The following SRGAP2 variants were observed in gnomAD, a reference collection of about 807,000 sequenced individuals.
SRGAP2 encodes SLIT-ROBO Rho GTPase-activating protein 2.
Under a neutral mutation model 57.2 loss-of-function variants are expected in SRGAP2, and 15 were observed. That is an observed-to-expected ratio of 0.26 (90% confidence interval 0.18 to 0.40). The LOEUF (loss-of-function observed/expected upper bound fraction) is 0.40. SRGAP2 is among the 10% of genes least tolerant of loss of function. SRGAP2 has a pLI of 1.00. For missense variants in SRGAP2, 520 were observed against 669.6 expected (o/e 0.78, Z 2.47); for synonymous variants, 249 against 248.0 (o/e 1.00, Z -0.04).
At chr1:206,241,209 T>TA (rs1304124342) in intron 2 of SRGAP2, among the ~76,000 whole-genome samples, 1 of 152,136 alleles carries the variant, frequency 6.6e-6, no homozygotes, top group Non-Finnish European at 1.5e-5. Flanking sequence ...AAAAACCCCC[T>TA]AAAAAACAAA....
intron 11 of SRGAP2, among the ~76,000 whole-genome samples, chr1:206,417,029 G>T (rs922084835): frequency 6.6e-6 from 1 of 151,402 alleles, no homozygotes; most frequent in Non-Finnish European, 1.5e-5. Flanking sequence ...CACCTTTTTT[G>T]CCCTGTCCTT....
At chr1:206,254,858 T>TA (rs1316289435) in intron 2 of SRGAP2, among the ~76,000 whole-genome samples, 1 of 151,544 alleles carries the variant, frequency 6.6e-6, no homozygotes, top group Non-Finnish European at 1.5e-5. Flanking sequence ...GCCTCACTCT[T>TA]ACAAAGATTC....
intron 14 of SRGAP2, among the ~76,000 whole-genome samples, chr1:206,435,486 G>C (rs1463313978): frequency 1.3e-5 from 2 of 152,172 alleles, no homozygotes; most frequent in Non-Finnish European, 2.9e-5. Context: ...CCAACCCCTG[G>C]GGCTGGCACT....
At position 206,454,686 on chromosome 1, in the gene SRGAP2, T is replaced by C; in HGVS notation, c.2361-192T>C. 1 of 562,226 alleles carries C rather than the reference T, an allele frequency of 1.8e-6. No individual in the cohort carries two copies. The highest frequency in any genetic ancestry group is 3.1e-6 in the Non-Finnish European group (1 of 319,882). 34.8% of individuals were successfully genotyped at this position (562,226 alleles called of 1,614,324 possible). On this transcript the variant is annotated intron_variant, in intron 20 of 22. Transcript: ENST00000573034. The surrounding 1 kb of genome is among the most constrained non-coding windows in gnomAD (Gnocchi z 4.3). ...GAACTCAGCGGATTATTTATTTTTA[T>C]TTAAACGACCCTTCAAAGGCCCTTA...
intron 3 of SRGAP2, among the ~76,000 whole-genome samples, chr1:206,334,663 G>A (rs1221704400): frequency 6.6e-6 from 1 of 152,164 alleles, no homozygotes; most frequent in Admixed American, 6.5e-5. Flanking sequence ...CCAGAGAGAT[G>A]CTTGCTCTTA....
chr1:206,396,576 AAAT>A (rs2103118041), intron 7 of SRGAP2, among the ~76,000 whole-genome samples: 1 of 139,846 alleles, frequency 7.2e-6, no homozygotes, highest in East Asian at 2.0e-4. Flanking sequence ...ATAAGAAAGA[AAAT>A]ATTAGAGTAC....
intron 4 of SRGAP2, among the ~76,000 whole-genome samples, chr1:206,346,579 T>C (rs1675645602): frequency 6.6e-6 from 1 of 152,134 alleles, no homozygotes; most frequent in Non-Finnish European, 1.5e-5. Context: ...GGGATCCAAA[T>C]ACATAAAATA....
chr1:206,442,338 G>A (rs1662381240), intron 17 of SRGAP2, among the ~76,000 whole-genome samples: 3 of 152,218 alleles, frequency 2.0e-5, no homozygotes, highest in African/African-American at 7.2e-5. Flanking sequence ...TGTGCAGCCT[G>A]GAAACTCTGC....
intron 10 of SRGAP2, among the ~76,000 whole-genome samples, chr1:206,414,375 G>A (rs1480982428): frequency 6.6e-6 from 1 of 152,130 alleles, no homozygotes; most frequent in African/African-American, 2.4e-5. Context: ...AATCCTAAGT[G>A]GCAATCCATG....
intron 13 of SRGAP2, among the ~76,000 whole-genome samples, chr1:206,429,913 T>C (rs1553367721): frequency 6.6e-6 from 1 of 152,118 alleles, no homozygotes; most frequent in Non-Finnish European, 1.5e-5. Flanking sequence ...GAGAAGGTGG[T>C]GAGAAACTGG....
chr1:206,442,139 G>A (rs782582728), intron 17 of SRGAP2, among the ~76,000 whole-genome samples: 1 of 152,206 alleles, frequency 6.6e-6, no homozygotes, highest in Non-Finnish European at 1.5e-5. Context: ...GCCCCAGCTT[G>A]AGACCTTTTC....
intron 22 of SRGAP2, among the ~76,000 whole-genome samples, chr1:206,459,361 G>A (rs782653437): frequency 3.3e-5 from 5 of 149,808 alleles, no homozygotes; most frequent in Non-Finnish European, 7.4e-5. Context: ...CCATCATCCC[G>A]ATTCCTAAGG....
At chr1:206,442,984 A>G (rs1662446926) in intron 17 of SRGAP2, among the ~76,000 whole-genome samples, 1 of 152,208 alleles carries the variant, frequency 6.6e-6, no homozygotes, top group Non-Finnish European at 1.5e-5. Context: ...GGAACCAAAA[A>G]AGCTAATATC....
chr1:206,342,314 A>G (rs1169104162), intron 3 of SRGAP2, among the ~76,000 whole-genome samples: 2 of 152,176 alleles, frequency 1.3e-5, no homozygotes, highest in African/African-American at 4.8e-5. Flanking sequence ...CTAACCCTAG[A>G]GACAAACCAA....
At chr1:206,218,340 AGAT>A (rs757204454) in intron 2 of SRGAP2, among the ~76,000 whole-genome samples, 13 of 149,026 alleles carry the variant, frequency 8.7e-5, no homozygotes, top group Non-Finnish European at 1.8e-4. Context: ...AAGATGTTGA[AGAT>A]GATGATTTGT....
At chr1:206,380,399 C>T (rs1246417927) in intron 4 of SRGAP2, among the ~76,000 whole-genome samples, 6 of 149,258 alleles carry the variant, frequency 4.0e-5, no homozygotes, top group East Asian at 1.9e-4. Flanking sequence ...GAGATCCCAG[C>T]CTGAGCACAC....
chr1:206,448,838 A>C (rs532092648), intron 18 of SRGAP2, among the ~76,000 whole-genome samples: 1 of 152,334 alleles, frequency 6.6e-6, no homozygotes, highest in East Asian at 1.9e-4. Context: ...ACAGTGAGAA[A>C]TTGTGCCTAC....
At chr1:206,240,138 C>T (rs542425079) in intron 2 of SRGAP2, among the ~76,000 whole-genome samples, 9 of 152,010 alleles carry the variant, frequency 5.9e-5, no homozygotes, top group Non-Finnish European at 1.0e-4. Context: ...TGGTGTTGGG[C>T]GCCTGTAATC....
intron 2 of SRGAP2, among the ~76,000 whole-genome samples, chr1:206,259,203 G>T (rs1440332632): frequency 3.3e-5 from 5 of 151,964 alleles, no homozygotes; most frequent in African/African-American, 1.2e-4. Context: ...TGCCTTATCT[G>T]TTCCTCTGGC....
Sources: allele counts gnomAD v4.1 joint callset (sites outside exome capture counted in the v4.1 genomes callset), GRCh38; gene constraint gnomAD v4.1.1; non-coding constraint Gnocchi (gnomAD v3.1); transcripts MANE v1.5; gene names NCBI Gene and HGNC (gene_info 2026-07-23, HGNC 2026-07-21).